The following TMEM266 variants were observed in gnomAD, a reference collection of about 807,000 sequenced individuals.
TMEM266 encodes the protein transmembrane protein 266.
A neutral mutation model predicts 50.5 loss-of-function variants in TMEM266; 33 were observed. The observed-to-expected ratio is 0.65, with a 90% CI of 0.50 to 0.87. The LOEUF is 0.87. Ranked by LOEUF, TMEM266 falls within the 40% of genes least tolerant of loss-of-function variation. The pLI, the probability that TMEM266 is intolerant of heterozygous loss-of-function variation, is 0.00. For missense variants in TMEM266, 655 were observed against 695.1 expected (o/e 0.94, Z 0.65); for synonymous variants, 310 against 292.3 (o/e 1.06, Z -0.62).
At chr15:76,186,053 C>G (rs758458444) in intron 8 of TMEM266, among the ~76,000 whole-genome samples, 5 of 152,290 alleles carry the variant, frequency 3.3e-5, no homozygotes, top group Non-Finnish European at 5.9e-5. Flanking sequence ...CTGCTACCAT[C>G]AAGCTGCCCT....
chr15:76,182,480 A>T (rs1010689817), intron 8 of TMEM266, among the ~76,000 whole-genome samples: 121 of 151,774 alleles, frequency 8.0e-4, no homozygotes, highest in African/African-American at 2.5e-3. Context: ...ACTAAAAAAA[A>T]ATATATATAA....
At chr15:76,165,243 G>A (rs750654191) in intron 5 of TMEM266, among the ~76,000 whole-genome samples, 28 of 152,230 alleles carry the variant, frequency 1.8e-4, no homozygotes, top group Non-Finnish European at 3.1e-4. Flanking sequence ...GATGAGGGGA[G>A]TCCCTTCTTG....
At chr15:76,111,368 A>C (rs1596111131) in intron 1 of TMEM266, among the ~76,000 whole-genome samples, 1 of 149,898 alleles carries the variant, frequency 6.7e-6, no homozygotes, top group African/African-American at 2.5e-5. Context: ...GAGCCACTGT[A>C]CCCGGCCCAG....
chr15:76,146,993 G>T (rs2037767269), intron 3 of TMEM266, among the ~76,000 whole-genome samples: 1 of 152,236 alleles, frequency 6.6e-6, no homozygotes. Flanking sequence ...ATCAAGGAAT[G>T]ACTTGAATGA....
chr15:76,175,753 G>A (rs1596153687), intron 8 of TMEM266, 79 bp downstream of exon 8: 2 of 1,161,422 alleles, frequency 1.7e-6, no homozygotes, highest in Non-Finnish European at 2.5e-6. Flanking sequence ...GGTTGCTAGA[G>A]CTGCAGGGGC....
chr15:76,204,063 G>C lies in TMEM266; in HGVS notation c.1344G>C (p.Ser448=). The C allele has an allele frequency of 6.2e-7, 1 of 1,612,238 alleles. No individual in the cohort carries two copies. The highest frequency in any genetic ancestry group is 1.1e-5 in the South Asian group (1 of 91,030). Residue 448 remains serine (S), a synonymous_variant, in exon 11 of 11, where the codon TCG becomes TCC. Transcript: ENST00000388942. Reference sequence around the variant, plus strand: ...TCCAGGACCTGCTGTCCTCCCTGTCGGAGGACCCCTGCCCTTCCCAGAAGG... The same window carrying C: ...TCCAGGACCTGCTGTCCTCCCTGTCCGAGGACCCCTGCCCTTCCCAGAAGG...
At chr15:76,131,284 A>C (rs1382727166) in intron 1 of TMEM266, among the ~76,000 whole-genome samples, 7 of 152,168 alleles carry the variant, frequency 4.6e-5, no homozygotes, top group Non-Finnish European at 5.9e-5. Context: ...GGAGAATTGC[A>C]TGAACCCAGG....
At chr15:76,203,047 C>A (rs1484099188) in intron 10 of TMEM266, among the ~76,000 whole-genome samples, 1 of 152,148 alleles carries the variant, frequency 6.6e-6, no homozygotes, top group African/African-American at 2.4e-5. Context: ...TGGGGAGAAA[C>A]CTCCCCACCC....
rs2038135476 is a variant in TMEM266, at chr15:76,168,632, T to C, written c.457-1184T>C. ...TCCTGAAGGCAGCACCATTCGGGAA[T>C]TATTCCTTCATGCACGCATTGTTCA... On this transcript the variant is annotated intron_variant, in intron 5 of 10. Transcript: ENST00000388942. The surrounding 1 kb of genome is among the most constrained non-coding windows in gnomAD (Gnocchi z 4.4). Among the ~76,000 whole-genome samples, 1 of 152,234 alleles carries C rather than the reference T, an allele frequency of 6.6e-6. No homozygotes were observed. The highest frequency in any genetic ancestry group is 6.5e-5 in the Admixed American group (1 of 15,280).
At chr15:76,085,606 C>T (rs1261886576) in intron 1 of TMEM266, among the ~76,000 whole-genome samples, 4 of 152,150 alleles carry the variant, frequency 2.6e-5, no homozygotes, top group Non-Finnish European at 4.4e-5. Context: ...GAAACTCTCA[C>T]ACATGGCTGG....
chr15:76,092,053 C>T (rs780792863), intron 1 of TMEM266, among the ~76,000 whole-genome samples: 39 of 151,906 alleles, frequency 2.6e-4, no homozygotes, highest in Non-Finnish European at 4.6e-4. Context: ...AAATATGAAG[C>T]AGGCTAAAAT....
intron 10 of TMEM266, 28 bp downstream of exon 10, chr15:76,202,292 T>C: frequency 6.3e-7 from 1 of 1,593,136 alleles, no homozygotes; most frequent in Non-Finnish European, 8.6e-7. Context: ...CTGTTCTACA[T>C]GTGCCACAAC....
At chr15:76,197,212 T>C (rs571747304) in intron 9 of TMEM266, among the ~76,000 whole-genome samples, 1 of 152,234 alleles carries the variant, frequency 6.6e-6, no homozygotes, top group Admixed American at 6.5e-5. Flanking sequence ...CCTCTAAATG[T>C]GTGGGCCTGA....
At chr15:76,121,889 A>G (rs1369273755) in intron 1 of TMEM266, among the ~76,000 whole-genome samples, 3 of 152,354 alleles carry the variant, frequency 2.0e-5, no homozygotes, top group Non-Finnish European at 1.5e-5. Context: ...ATCTGTCTCT[A>G]CTACTACCCC....
At chr15:76,069,950 C>T (rs2036511682) in intron 1 of TMEM266, among the ~76,000 whole-genome samples, 1 of 152,084 alleles carries the variant, frequency 6.6e-6, no homozygotes, top group Non-Finnish European at 1.5e-5. Flanking sequence ...GAATATTATA[C>T]AACCTTTATT....
intron 1 of TMEM266, among the ~76,000 whole-genome samples, chr15:76,089,793 A>G (rs1357443699): frequency 6.6e-6 from 1 of 152,112 alleles, no homozygotes; most frequent in Non-Finnish European, 1.5e-5. Context: ...GTGAGAAATA[A>G]TGAGGATCTG....
Position 76,169,858 on chromosome 15 carries a change from G to A in TMEM266, c.499G>A (p.Glu167Lys), listed in dbSNP as rs1329339593. The A allele has an allele frequency of 9.9e-6, 16 of 1,613,512 alleles. No individual in the cohort carries two copies. In the East Asian group the frequency reaches 1.1e-4, roughly 11 times the overall value. ...GGTGCTTGGGATCTGGGATTACATCGAAAACAAAATAGAGGTAAAGACCAA... is the reference window on the plus strand; with the variant it reads ...GGTGCTTGGGATCTGGGATTACATCAAAAACAAAATAGAGGTAAAGACCAA... Residue 167 changes from glutamate (E) to lysine (K), a missense_variant, in exon 6 of 11, where the codon GAA becomes AAA. Glu to Lys is a moderately conservative substitution (Grantham distance 56). Coordinates refer to ENST00000388942, the MANE Select transcript of TMEM266 (RefSeq NM_152335.3).
In TMEM266 at chr15:76,139,214, T is replaced by G. The variant is rs2142033149; in HGVS notation, c.227+1319T>G. Among the ~76,000 whole-genome samples the G allele has an allele frequency of 6.6e-6, 1 of 152,358 alleles. No homozygotes were observed. ...CCCTGGGCTTGTTTCTGGAAGGAGC[T>G]TCCCACTTCCTGAGATAAACCGCCT... On this transcript the variant is annotated intron_variant, in intron 3 of 10. Coordinates refer to ENST00000388942, the MANE Select transcript of TMEM266 (RefSeq NM_152335.3). This position sits in a 1 kb window ranked among gnomAD's most constrained non-coding sequence, Gnocchi z 4.1.
chr15:76,090,750 G>A (rs181745912), intron 1 of TMEM266, among the ~76,000 whole-genome samples: 96 of 152,242 alleles, frequency 6.3e-4, no homozygotes, highest in African/African-American at 2.2e-3. Flanking sequence ...GTGACTATTA[G>A]AAGCTGGGAA....
Sources: allele counts gnomAD v4.1 joint callset (sites outside exome capture counted in the v4.1 genomes callset), GRCh38; gene constraint gnomAD v4.1.1; non-coding constraint Gnocchi (gnomAD v3.1); transcripts MANE v1.5; gene names NCBI Gene and HGNC (gene_info 2026-07-23, HGNC 2026-07-21).